The following PCDHGA8 variants were observed in gnomAD, a reference collection of about 807,000 sequenced individuals.
PCDHGA8 encodes protocadherin gamma-A8.
Under a neutral mutation model 59.2 loss-of-function variants are expected in PCDHGA8, and 45 were observed. That is an observed-to-expected ratio of 0.76 (90% CI 0.60 to 0.98). PCDHGA8 has a LOEUF of 0.98. Ranked by LOEUF, PCDHGA8 falls within the 50% of genes least tolerant of loss-of-function variation. The pLI is 0.00. For missense variants in PCDHGA8, 1,257 were observed against 1,196.2 expected (o/e 1.05, Z -0.75); for synonymous variants, 531 against 519.0 (o/e 1.02, Z -0.32).
rs138070043 is a variant in PCDHGA8, at chr5:141,512,950, AAAT to A, written c.*1783_*1785del. 5,271 of 152,332 alleles carry A rather than the reference AAAT, an allele frequency of 0.035. 119 individuals carry two copies. The highest frequency in any genetic ancestry group is 0.075 in the South Asian group (360 of 4,826). The allele number at this position is 152,332 out of a possible 1,614,324, so 9.4% of individuals were successfully genotyped here. On this transcript the variant is annotated 3_prime_UTR_variant, in exon 4 of 4. Coordinates refer to ENST00000398604, the MANE Select transcript of PCDHGA8 (RefSeq NM_032088.2). ...ATATGGCTTTTTTTCTTCGACAAAA[AAAT>A]AATAAAACGTTTCTTCTGAAAAGCT...
Position 141,511,159 on chromosome 5 carries a change from AAGG to A in PCDHGA8, c.2788_2790del (p.Glu930del), listed in dbSNP as rs1477173987. 3 of 1,614,186 alleles carry A rather than the reference AAGG, an allele frequency of 1.9e-6. No individual in the cohort carries two copies. The highest frequency in any genetic ancestry group is 2.2e-5 in the East Asian group (1 of 44,872). On this transcript the variant is annotated inframe_deletion, in exon 4 of 4. Coordinates refer to ENST00000398604, the MANE Select transcript of PCDHGA8 (RefSeq NM_032088.2). ...TGGCAACAAGAAGAAGTCGGGCAAG[AAGG>A]AGAAGAAGTAACATGGAGGCCAGGC... is the stretch of plus-strand genomic sequence containing the variant.
At chr5:141,417,667 C>A (rs545100460) in intron 1 of PCDHGA8, 5 of 918,744 alleles carry the variant, frequency 5.4e-6, no homozygotes, top group South Asian at 3.8e-5. Flanking sequence ...GGATTCCCTG[C>A]GCAGCCAACA....
chr5:141,423,506 T>C (rs1242003813), intron 1 of PCDHGA8: 1 of 1,613,808 alleles, frequency 6.2e-7, no homozygotes, highest in African/African-American at 1.3e-5. Context: ...GAGGTCTCTC[T>C]CATTGCGGAC....
intron 1 of PCDHGA8, among the ~76,000 whole-genome samples, chr5:141,471,071 C>T (rs1208702673): frequency 7.7e-6 from 1 of 129,696 alleles, no homozygotes; most frequent in Non-Finnish European, 1.6e-5. Context: ...TTTTTTGAGA[C>T]AGGGTCTCCC....
At position 141,476,978 on chromosome 5, in the gene PCDHGA8, C is replaced by T; in HGVS notation, c.2425-17829C>T. 2 of 1,614,256 alleles carry T rather than the reference C, an allele frequency of 1.2e-6. No homozygotes were observed. Among genetic ancestry groups the T allele is most frequent in the Non-Finnish European group, 1.7e-6 (2 of 1,180,058 alleles). ...TATTTACTCCTTCGGCAGCCACAAC[C>T]GCGCCGGCGTGCGGCAACTATTCGC... On this transcript the variant is annotated intron_variant, in intron 1 of 3. Coordinates refer to ENST00000398604, the MANE Select transcript of PCDHGA8 (RefSeq NM_032088.2). This position sits in a 1 kb window ranked among gnomAD's most constrained non-coding sequence, Gnocchi z 7.6.
chr5:141,508,928 G>A (rs1475005703), intron 3 of PCDHGA8, among the ~76,000 whole-genome samples: 1 of 152,076 alleles, frequency 6.6e-6, no homozygotes, highest in East Asian at 1.9e-4. Flanking sequence ...TCCTTTTGGA[G>A]TTAATTAGGG....
In PCDHGA8 at chr5:141,409,721, G is replaced by A. The variant is rs892686024; in HGVS notation, c.2424+14484G>A. On this transcript the variant is annotated intron_variant, in intron 1 of 3. Transcript: ENST00000398604. ...CCTGGCGGTGTCGTCATACGTGTCA[G>A]TGAGCGCGCAGAGCGGGGTGGTGTT... The A allele has an allele frequency of 6.8e-6, 11 of 1,613,114 alleles. No homozygotes were observed. The highest frequency in any genetic ancestry group is 6.7e-5 in the East Asian group (3 of 44,892).
Position 141,420,101 on chromosome 5 carries a change from T to A in PCDHGA8, c.2424+24864T>A. 5 of 1,614,046 alleles carry A rather than the reference T, an allele frequency of 3.1e-6. No homozygotes were observed. Among genetic ancestry groups the A allele is most frequent in the Non-Finnish European group, 4.2e-6 (5 of 1,179,870 alleles). ...TCCCCCCAACTACAGTGAGGGAACGTTGCCCTATGCCTATAATTTTTGTGT... is the reference window on the plus strand; with the variant it reads ...TCCCCCCAACTACAGTGAGGGAACGATGCCCTATGCCTATAATTTTTGTGT... On this transcript the variant is annotated intron_variant, in intron 1 of 3. Transcript: ENST00000398604.
chr5:141,455,255 C>T (rs1049752169), intron 1 of PCDHGA8, among the ~76,000 whole-genome samples: 16 of 152,146 alleles, frequency 1.1e-4, no homozygotes, highest in African/African-American at 3.9e-4. Flanking sequence ...AGTACAATCG[C>T]ATTTCTTCCC....
Position 141,393,657 on chromosome 5 carries a change from C to G in PCDHGA8, c.844C>G (p.Arg282Gly). Residue 282 changes from arginine (R) to glycine (G), a missense_variant, in exon 1 of 4, where the codon CGG (arginine) becomes GGG (glycine). Transcript: ENST00000398604. ...CAACGGAAAAGTGGCATACAAATTC[C>G]GGAAAATTAATGAAAAACAAACTCC... ...GINGKVAYKF[R>G]KINEKQTPLF... 6.2e-7 allele frequency: 1 copy of G among 1,613,862 alleles called. No individual in the cohort carries two copies. Among genetic ancestry groups the G allele is most frequent in the Non-Finnish European group, 8.5e-7 (1 of 1,179,892 alleles).
rs2099735960 is a variant in PCDHGA8 at position 141,491,997 on chromosome 5, G to A, written c.2425-2810G>A. On this transcript the variant is annotated intron_variant, in intron 1 of 3. Transcript: ENST00000398604. The surrounding 1 kb of genome is among the most constrained non-coding windows in gnomAD (Gnocchi z 6.9). ...CCTTCGAGCTTCCGGTGAATTTCGG[G>A]CGATTTCCGCGGGTGTCGGGGGTCC... The A allele has an allele frequency of 1.5e-6, 1 of 671,074 alleles. No homozygotes were observed. The allele number at this position is 671,074 out of a possible 1,614,324, so 41.6% of individuals were successfully genotyped here.
Position 141,511,132 on chromosome 5 carries a change from A to G in PCDHGA8, c.2758A>G (p.Asn920Asp). The change falls in exon 4 of 4, where the codon AAT (asparagine) becomes GAT (aspartate). Residue 920 changes from asparagine to aspartate, a missense_variant. Coordinates refer to ENST00000398604, the MANE Select transcript of PCDHGA8 (RefSeq NM_032088.2). ...GGATGGCAAGGCCCCAGCAGGTGGC[A>G]ATGGCAACAAGAAGAAGTCGGGCAA... ...KRDGKAPAGG[N>D]GNKKKSGKKE... is the part of the protein sequence containing the mutation. The G allele has an allele frequency of 6.2e-7, 1 of 1,614,218 alleles. No individual in the cohort carries two copies. Among genetic ancestry groups the G allele is most frequent in the Non-Finnish European group, 8.5e-7 (1 of 1,180,018 alleles).
intron 2 of PCDHGA8, among the ~76,000 whole-genome samples, chr5:141,503,595 G>A (rs6892628): frequency 7.1e-6 from 1 of 140,086 alleles, no homozygotes. Context: ...CGAGACTCCA[G>A]CTCAAAAAAA....
At chr5:141,464,611 A>G (rs2099087451) in intron 1 of PCDHGA8, among the ~76,000 whole-genome samples, 3 of 152,194 alleles carry the variant, frequency 2.0e-5, no homozygotes, top group African/African-American at 7.2e-5. Context: ...TTTGCAGAGT[A>G]TATTGTCAAG....
chr5:141,392,929 C>G lies in PCDHGA8; in HGVS notation c.116C>G (p.Thr39Arg). Residue 39 changes from threonine (T) to arginine (R), a missense_variant, in exon 1 of 4, where the codon ACG becomes AGG. Physicochemically the swap from Thr to Arg is moderately conservative, Grantham distance 71 (BLOSUM62 -1). Coordinates refer to ENST00000398604, the MANE Select transcript of PCDHGA8 (RefSeq NM_032088.2). ...GQIRYSVPEE[T>R]DKGSFVGNIS... ...ATTCGCTACTCTGTGCCAGAAGAGA[C>G]GGACAAAGGCTCCTTCGTGGGTAAT... 2 of 1,613,888 alleles carry G rather than the reference C, an allele frequency of 1.2e-6. No individual in the cohort carries two copies. Among genetic ancestry groups the G allele is most frequent in the Non-Finnish European group, 1.7e-6 (2 of 1,179,882 alleles).
chr5:141,423,382 C>G, intron 1 of PCDHGA8: 1 of 1,614,118 alleles, frequency 6.2e-7, no homozygotes, highest in Non-Finnish European at 8.5e-7. Flanking sequence ...CAGGCTGTGG[C>G]GCTGGCATAA....
rs376209053 is a variant in PCDHGA8, at chr5:141,410,666, T to A, written c.2424+15429T>A. On this transcript the variant is annotated intron_variant, in intron 1 of 3. Transcript: ENST00000398604. ...TGTGATTTATCTAATAGTCTACTAG[T>A]TTCTCATATTTTAGGCATACTACTT... is the stretch of plus-strand genomic sequence containing the variant. 2.6e-6 allele frequency: 4 copies of A among 1,565,890 alleles called. No homozygotes were observed. In the African/African-American group the frequency reaches 5.5e-5, roughly 21 times the overall value.
intron 1 of PCDHGA8, among the ~76,000 whole-genome samples, chr5:141,453,490 G>A (rs921556476): frequency 6.6e-6 from 1 of 151,922 alleles, no homozygotes; most frequent in Admixed American, 6.6e-5. Flanking sequence ...TTAAAAAAAG[G>A]TGTACTCAGA....
Position 141,490,070 on chromosome 5 carries a change from T to C in PCDHGA8, c.2425-4737T>C, listed in dbSNP as rs2099695766. ...CCAGACGAGGGCACCAACGGCCAAC[T>C]AGACTATTCTTTTGGAGACCACACA... On this transcript the variant is annotated intron_variant, in intron 1 of 3. Transcript: ENST00000398604. The surrounding 1 kb of genome is among the most constrained non-coding windows in gnomAD (Gnocchi z 5.4). The C allele has an allele frequency of 6.2e-7, 1 of 1,614,198 alleles. No individual in the cohort carries two copies.
Sources: gnomAD v4.1 joint callset for allele counts (sites outside exome capture counted in the v4.1 genomes callset) on GRCh38, gnomAD v4.1.1 for gene constraint, Gnocchi (gnomAD v3.1) non-coding constraint, MANE v1.5 for transcripts, NCBI Gene and HGNC (gene_info 2026-07-23, HGNC 2026-07-21) for gene names.